The following PPARG variants were observed in gnomAD, a reference collection of about 807,000 sequenced individuals.
PPARG encodes peroxisome proliferator-activated receptor gamma.
A neutral mutation model predicts 39.2 loss-of-function variants in PPARG; 17 were observed. The observed-to-expected ratio is 0.43, with a 90% CI of 0.30 to 0.65. The LOEUF is 0.65. Ranked by LOEUF, PPARG falls within the 30% of genes least tolerant of loss-of-function variation. The probability of loss-of-function intolerance (pLI) is 0.13; values close to 1 mark genes in which losing one functional copy is unlikely to be tolerated. For missense variants in PPARG, 406 were observed against 585.9 expected (o/e 0.69, Z 3.17); for synonymous variants, 223 against 215.7 (o/e 1.03, Z -0.30).
At chr3:12,299,054 T>TG (rs1332850260) in intron 1 of PPARG, among the ~76,000 whole-genome samples, 1 of 152,152 alleles carries the variant, frequency 6.6e-6, no homozygotes, top group Non-Finnish European at 1.5e-5. Context: ...AGGCTGGTCT[T>TG]GAACTCGTAG....
chr3:12,351,700 T>C (rs368662399), intron 2 of PPARG: 112 of 1,556,116 alleles, frequency 7.2e-5, no homozygotes, highest in Middle Eastern at 3.3e-4. Flanking sequence ...GATACGGCTA[T>C]TGGGGACGTG....
At chr3:12,403,672 G>C (rs181326567) in intron 5 of PPARG, among the ~76,000 whole-genome samples, 4 of 152,142 alleles carry the variant, frequency 2.6e-5, no homozygotes, top group Admixed American at 2.6e-4. Flanking sequence ...ATTTTTTATT[G>C]GTTCTTTTTT....
chr3:12,319,495 C>A (rs977519692), intron 2 of PPARG, among the ~76,000 whole-genome samples: 1 of 152,012 alleles, frequency 6.6e-6, no homozygotes, highest in African/African-American at 2.4e-5. Context: ...TTGACAAGAC[C>A]TAATTTTTTA....
chr3:12,389,380 C>G (rs185769415), intron 4 of PPARG, among the ~76,000 whole-genome samples: 4 of 152,028 alleles, frequency 2.6e-5, no homozygotes, highest in African/African-American at 9.7e-5. Context: ...AACAACATAT[C>G]CAAGAAGGTA....
chr3:12,379,723 A>G lies in PPARG; in HGVS notation c.12A>G (p.Thr4=). MVD[T]EMPFWPTNFG... ...TTTCAGAAATGACCATGGTTGACAC[A>G]GAGATGCCATTCTGGCCCACCAACT... is the stretch of plus-strand genomic sequence containing the variant. Residue 4 remains threonine (T), a synonymous_variant, in exon 3 of 8, where the codon ACA becomes ACG. Coordinates refer to ENST00000651735, the MANE Select transcript of PPARG (RefSeq NM_138711.6). 1 of 1,614,010 alleles carries G rather than the reference A, an allele frequency of 6.2e-7. No homozygotes were observed. The highest frequency in any genetic ancestry group is 8.5e-7 in the Non-Finnish European group (1 of 1,179,910).
At chr3:12,362,543 A>G (rs972468520) in intron 2 of PPARG, among the ~76,000 whole-genome samples, 25 of 150,874 alleles carry the variant, frequency 1.7e-4, no homozygotes, top group African/African-American at 5.8e-4. Flanking sequence ...AAATAAATAA[A>G]TAAATAAATA....
Position 12,381,405 on chromosome 3 carries a change from A to G in PPARG, c.304A>G (p.Asn102Asp), listed in dbSNP as rs1237800473. The change falls in exon 4 of 8, where the codon AAC becomes GAC. Residue 102 changes from asparagine (N) to aspartate (D), a missense_variant. By Grantham distance (23) the Asn-to-Asp change is conservative. This residue lies in a region of PPARG where 131 missense variants were observed against 127.9 expected (regional missense o/e 1.02). Coordinates refer to ENST00000651735, the MANE Select transcript of PPARG (RefSeq NM_138711.6). ...LYNKPHEEPS[N>D]SLMAIECRVC... Reference sequence around the variant, plus strand: ...CAATAAGCCTCATGAAGAGCCTTCCAACTCCCTCATGGCAATTGAATGTCG... The same window carrying G: ...CAATAAGCCTCATGAAGAGCCTTCCGACTCCCTCATGGCAATTGAATGTCG... 1 of 1,613,390 alleles carries G rather than the reference A, an allele frequency of 6.2e-7. No homozygotes were observed. The highest frequency in any genetic ancestry group is 8.5e-7 in the Non-Finnish European group (1 of 1,179,728).
chr3:12,289,959 T>C (rs2046607877), intron 1 of PPARG, among the ~76,000 whole-genome samples: 1 of 152,178 alleles, frequency 6.6e-6, no homozygotes, highest in Admixed American at 6.5e-5. Context: ...CACTTTAATA[T>C]ACGAAACTTT....
In PPARG at chr3:12,405,917, G is replaced by C. The variant is rs2050643538; in HGVS notation, c.565G>C (p.Glu189Gln). ...TGGGCGGATGCCACAGGCCGAGAAG[G>C]AGAAGCTGTTGGCGGAGATCTCCAG... ...RFGRMPQAEK[E>Q]KLLAEISSDI... The change falls in exon 6 of 8, where the codon GAG (glutamate) becomes CAG (glutamine). Residue 189 changes from glutamate (E) to glutamine (Q), a missense_variant. This residue lies in a region of PPARG where 275 missense variants were observed against 458.0 expected (regional missense o/e 0.60). Coordinates refer to ENST00000651735, the MANE Select transcript of PPARG (RefSeq NM_138711.6). 1 of 1,614,174 alleles carries C rather than the reference G, an allele frequency of 6.2e-7. No homozygotes were observed. Among genetic ancestry groups the C allele is most frequent in the Non-Finnish European group, 8.5e-7 (1 of 1,180,024 alleles).
intron 2 of PPARG, among the ~76,000 whole-genome samples, chr3:12,366,625 A>G (rs181040102): frequency 6.6e-5 from 10 of 151,926 alleles, no homozygotes; most frequent in African/African-American, 1.7e-4. Context: ...TATTTTGTCA[A>G]ATTCTTTTTC....
At chr3:12,350,773 C>T (rs7649970) in intron 2 of PPARG, among the ~76,000 whole-genome samples, 20,319 of 152,200 alleles carry the variant, frequency 0.13, 1,428 homozygotes, top group African/African-American at 0.17. Flanking sequence ...TAGCACTTAT[C>T]GTTTAAACAT....
intron 2 of PPARG, among the ~76,000 whole-genome samples, chr3:12,341,264 G>A (rs1466652490): frequency 6.6e-6 from 1 of 152,046 alleles, no homozygotes; most frequent in Non-Finnish European, 1.5e-5. Flanking sequence ...GGAAAATGGA[G>A]AAAGATGAAT....
intron 5 of PPARG, among the ~76,000 whole-genome samples, chr3:12,401,091 G>T (rs1051845386): frequency 6.6e-6 from 1 of 152,158 alleles, no homozygotes; most frequent in African/African-American, 2.4e-5. Flanking sequence ...AGTACACTCA[G>T]CCTTTATAGT....
At chr3:12,371,206 T>A (rs974069052) in intron 2 of PPARG, among the ~76,000 whole-genome samples, 1 of 152,182 alleles carries the variant, frequency 6.6e-6, no homozygotes, top group African/African-American at 2.4e-5. Flanking sequence ...GAGACAATAT[T>A]AATATTCTAC....
chr3:12,393,088 C>T (rs188610122), intron 5 of PPARG, among the ~76,000 whole-genome samples: 1 of 151,376 alleles, frequency 6.6e-6, no homozygotes, highest in East Asian at 1.9e-4. Context: ...TTAAAATTTA[C>T]TTTTGTGTAT....
intron 2 of PPARG, among the ~76,000 whole-genome samples, chr3:12,353,274 C>A (rs569243950): frequency 5.4e-4 from 82 of 152,166 alleles, no homozygotes; most frequent in African/African-American, 1.9e-3. Flanking sequence ...AATAATTTAA[C>A]CCTTGTCTTA....
At chr3:12,412,645 A>T (rs1003752763) in intron 6 of PPARG, among the ~76,000 whole-genome samples, 7 of 152,204 alleles carry the variant, frequency 4.6e-5, no homozygotes. Flanking sequence ...ACAAGCACAC[A>T]ATGACCAGTG....
At chr3:12,386,393 G>A (rs747579059) in intron 4 of PPARG, among the ~76,000 whole-genome samples, 3 of 152,092 alleles carry the variant, frequency 2.0e-5, no homozygotes, top group Admixed American at 6.6e-5. Context: ...TACATATACA[G>A]TGTATAATGT....
intron 1 of PPARG, among the ~76,000 whole-genome samples, chr3:12,303,444 G>A (rs1272808780): frequency 6.6e-6 from 1 of 152,058 alleles, no homozygotes; most frequent in African/African-American, 2.4e-5. Flanking sequence ...CAAGTGATCT[G>A]CCCGCCTCAG....
Sources: gnomAD v4.1 joint callset for allele counts (sites outside exome capture counted in the v4.1 genomes callset) on GRCh38, gnomAD v4.1.1 for gene constraint, gnomAD v4.1.1 regional missense constraint, MANE v1.5 for transcripts, NCBI Gene and HGNC (gene_info 2026-07-23, HGNC 2026-07-21) for gene names.